The following EVA1C variants were observed in gnomAD, a reference collection of about 807,000 sequenced individuals.
The protein encoded by EVA1C is eva-1 homolog C.
Under a neutral mutation model 45.4 loss-of-function variants are expected in EVA1C, and 25 were observed. The observed-to-expected ratio is 0.55, with a 90% confidence interval of 0.40 to 0.77. EVA1C has a LOEUF of 0.77. Ranked by LOEUF, EVA1C falls within the 30% of genes least tolerant of loss-of-function variation. The pLI, the probability that EVA1C is intolerant of heterozygous loss-of-function variation, is 0.00. For synonymous variants in EVA1C, 190 were observed against 221.2 expected (o/e 0.86, Z 1.25); for missense variants, 479 against 554.8 (o/e 0.86, Z 1.37).
chr21:32,418,612 A>T (rs1161583416), intron 1 of EVA1C, among the ~76,000 whole-genome samples: 1 of 152,220 alleles, frequency 6.6e-6, no homozygotes, highest in Non-Finnish European at 1.5e-5. Context: ...AGCCTCAGAG[A>T]GGGTAACAAA....
At chr21:32,485,535 C>A (rs1285627346) in intron 4 of EVA1C, among the ~76,000 whole-genome samples, 6 of 152,050 alleles carry the variant, frequency 3.9e-5, no homozygotes, top group Non-Finnish European at 8.8e-5. Context: ...TCCTTAAGAA[C>A]CTTCTCTCTC....
chr21:32,441,306 C>T (rs1000725792), intron 1 of EVA1C, among the ~76,000 whole-genome samples: 5 of 151,846 alleles, frequency 3.3e-5, no homozygotes, highest in African/African-American at 7.3e-5. Context: ...CAGAGCAACC[C>T]GGAAAGGTCT....
At chr21:32,449,010 GGGAAGGAA>G (rs201656148) in intron 1 of EVA1C, among the ~76,000 whole-genome samples, 9 of 149,018 alleles carry the variant, frequency 6.0e-5, no homozygotes, top group African/African-American at 2.2e-4. Flanking sequence ...GAGGGAGGGT[GGGAAGGAA>G]GGAAGGAAGG....
At chr21:32,461,778 C>T (rs1375530889) in intron 3 of EVA1C, among the ~76,000 whole-genome samples, 1 of 152,184 alleles carries the variant, frequency 6.6e-6, no homozygotes, top group African/African-American at 2.4e-5. Context: ...CCCTAATGTG[C>T]ACTATGCTTC....
chr21:32,430,999 CT>C (rs1193123817), intron 1 of EVA1C, among the ~76,000 whole-genome samples: 2 of 115,078 alleles, frequency 1.7e-5, no homozygotes, highest in Non-Finnish European at 3.4e-5. Flanking sequence ...TCTTGTGAGA[CT>C]TATTCAACGT....
chr21:32,414,669 G>T (rs1435542532), intron 1 of EVA1C, among the ~76,000 whole-genome samples: 1 of 152,124 alleles, frequency 6.6e-6, no homozygotes, highest in East Asian at 1.9e-4. Context: ...TTAGTAAAAT[G>T]AATGATTTGA....
At chr21:32,514,706 A>G (rs1323851143) in intron 7 of EVA1C, 108 bp from the exon 8 acceptor site, 40 of 1,273,524 alleles carry the variant, frequency 3.1e-5, no homozygotes, top group Admixed American at 5.2e-5. Context: ...CTGGACTGGC[A>G]TTCTTCATTA....
intron 7 of EVA1C, among the ~76,000 whole-genome samples, chr21:32,507,865 GC>G (rs1190295935): frequency 3.3e-5 from 5 of 151,810 alleles, no homozygotes; most frequent in Non-Finnish European, 7.4e-5. Context: ...GTGCGTGTGT[GC>G]CGTCATGTGT....
At chr21:32,483,575 G>T (rs2036866897) in intron 4 of EVA1C, among the ~76,000 whole-genome samples, 1 of 152,136 alleles carries the variant, frequency 6.6e-6, no homozygotes, top group Admixed American at 6.5e-5. Context: ...GCTGATCCAG[G>T]AACCAGACAG....
chr21:32,466,719 T>C (rs1303800227), intron 3 of EVA1C, among the ~76,000 whole-genome samples: 3 of 152,156 alleles, frequency 2.0e-5, no homozygotes, highest in Non-Finnish European at 1.5e-5. Context: ...GGGGCAGACT[T>C]TTCATGCTTC....
intron 7 of EVA1C, among the ~76,000 whole-genome samples, chr21:32,512,788 G>C (rs1344556091): frequency 6.6e-6 from 1 of 152,150 alleles, no homozygotes; most frequent in Non-Finnish European, 1.5e-5. Context: ...AAGTTGAGTT[G>C]TGGCCCACCT....
intron 7 of EVA1C, among the ~76,000 whole-genome samples, chr21:32,509,824 C>A (rs2061927179): frequency 6.6e-6 from 1 of 151,224 alleles, no homozygotes; most frequent in Non-Finnish European, 1.5e-5. Flanking sequence ...AAAGAACTTT[C>A]CAGGCTAACA....
chr21:32,507,981 ATG>A (rs1169375308), intron 7 of EVA1C, among the ~76,000 whole-genome samples: 3 of 146,350 alleles, frequency 2.0e-5, no homozygotes, highest in Non-Finnish European at 3.0e-5. Flanking sequence ...GTGTGCCTGC[ATG>A]TGTGTGTGTG....
At chr21:32,495,213 T>G (rs777597584) in intron 5 of EVA1C, 43 bp downstream of exon 5, 23 of 1,602,450 alleles carry the variant, frequency 1.4e-5, no homozygotes, top group Non-Finnish European at 1.9e-5. Flanking sequence ...ACACTGCCTC[T>G]TTTGGGGGAG....
chr21:32,435,572 A>C (rs1246144721), intron 1 of EVA1C, among the ~76,000 whole-genome samples: 1 of 152,226 alleles, frequency 6.6e-6, no homozygotes, highest in Non-Finnish European at 1.5e-5. Flanking sequence ...TTCCCAGCCA[A>C]CGGTACCACT....
At chr21:32,449,854 C>T (rs1244600985) in intron 1 of EVA1C, among the ~76,000 whole-genome samples, 3 of 152,060 alleles carry the variant, frequency 2.0e-5, no homozygotes, top group African/African-American at 7.2e-5. Context: ...AACCCCTGAC[C>T]TCAGGTGATC....
intron 4 of EVA1C, among the ~76,000 whole-genome samples, chr21:32,487,674 C>T (rs919995499): frequency 4.6e-5 from 7 of 151,234 alleles, no homozygotes; most frequent in Admixed American, 2.6e-4. Context: ...GAGCCAAAAT[C>T]GCGCCATTGC....
intron 4 of EVA1C, among the ~76,000 whole-genome samples, chr21:32,478,654 G>A (rs1270963245): frequency 6.6e-6 from 1 of 152,250 alleles, no homozygotes; most frequent in African/African-American, 2.4e-5. Context: ...ACCATCACTG[G>A]TGACCAATGA....
chr21:32,478,224 A>G (rs1028528736), intron 4 of EVA1C, among the ~76,000 whole-genome samples: 21 of 151,110 alleles, frequency 1.4e-4, no homozygotes, highest in African/African-American at 5.1e-4. Context: ...TTTTATATAT[A>G]TATATATTTT....
Sources: allele counts gnomAD v4.1 joint callset (sites outside exome capture counted in the v4.1 genomes callset), GRCh38; gene constraint gnomAD v4.1.1; transcripts MANE v1.5; gene names NCBI Gene and HGNC (gene_info 2026-07-23, HGNC 2026-07-21).